The following SNX29 variants were observed in gnomAD, a reference collection of about 807,000 sequenced individuals.
SNX29 encodes the protein sorting nexin 29.
A neutral mutation model predicts 102.1 loss-of-function variants in SNX29; 78 were observed. The ratio of observed to expected loss-of-function variants is 0.76; its 90% confidence interval spans 0.64 to 0.92. The LOEUF (loss-of-function observed/expected upper bound fraction) is 0.92, where lower values mean the gene tolerates loss of function less well. SNX29 is among the 40% of genes least tolerant of loss of function. SNX29 has a pLI of 0.00. For synonymous variants in SNX29, 580 were observed against 414.5 expected, an observed-to-expected ratio of 1.40 and a Z score of -4.85; for missense variants, 1,280 against 1,061.7, an observed-to-expected ratio of 1.21 and a Z score of -2.86.
At chr16:11,991,064 C>G (rs1246931867) in intron 1 of SNX29, among the ~76,000 whole-genome samples, 1 of 152,176 alleles carries the variant, frequency 6.6e-6, no homozygotes, top group African/African-American at 2.4e-5. Context: ...TTGCTGACCC[C>G]CATTCTAGGG....
At chr16:12,308,293 C>T (rs1370918277) in intron 15 of SNX29, among the ~76,000 whole-genome samples, 2 of 152,234 alleles carry the variant, frequency 1.3e-5, no homozygotes, top group African/African-American at 2.4e-5. Context: ...CTGGGTCCCA[C>T]AGCCTCTACT....
chr16:12,555,309 C>A (rs1001052697), intron 20 of SNX29, among the ~76,000 whole-genome samples: 1 of 151,574 alleles, frequency 6.6e-6, no homozygotes, highest in East Asian at 2.0e-4. Flanking sequence ...GTCAATCCCT[C>A]TCATAGCCCC....
intron 3 of SNX29, among the ~76,000 whole-genome samples, chr16:12,022,257 G>A (rs1364591272): frequency 6.6e-6 from 1 of 150,686 alleles, no homozygotes; most frequent in Non-Finnish European, 1.5e-5. Context: ...CTGGAGTACA[G>A]TGGCACAATC....
chr16:12,118,491 T>C (rs969390401), intron 11 of SNX29, among the ~76,000 whole-genome samples: 2 of 151,706 alleles, frequency 1.3e-5, no homozygotes, highest in Non-Finnish European at 2.9e-5. Context: ...GGCTGATTTT[T>C]GTGTTTTTAG....
chr16:12,164,630 G>A (rs749604219), intron 13 of SNX29, among the ~76,000 whole-genome samples: 4 of 149,648 alleles, frequency 2.7e-5, no homozygotes, highest in Non-Finnish European at 4.4e-5. Flanking sequence ...TTAATCATGG[G>A]ATTTTCTTAC....
At chr16:12,131,334 A>G (rs1022913935) in intron 13 of SNX29, among the ~76,000 whole-genome samples, 1 of 152,242 alleles carries the variant, frequency 6.6e-6, no homozygotes, top group Admixed American at 6.5e-5. Context: ...GCTGCAAAGT[A>G]AACCACCCCA....
intron 13 of SNX29, among the ~76,000 whole-genome samples, chr16:12,144,065 C>A (rs750103528): frequency 6.6e-6 from 1 of 152,130 alleles, no homozygotes; most frequent in Non-Finnish European, 1.5e-5. Context: ...TGGAGTGGGG[C>A]CTGCTATCCT....
At chr16:12,421,777 T>TATC (rs1272436599) in intron 18 of SNX29, among the ~76,000 whole-genome samples, 2 of 151,882 alleles carry the variant, frequency 1.3e-5, no homozygotes, top group African/African-American at 4.8e-5. Context: ...CATTACCAGT[T>TATC]ATCATCATCA....
chr16:12,413,653 A>G (rs1317504668), intron 18 of SNX29, among the ~76,000 whole-genome samples: 2 of 152,200 alleles, frequency 1.3e-5, no homozygotes, highest in South Asian at 2.1e-4. Context: ...TGCAGGGGAG[A>G]CAGCTTGTTC....
chr16:12,009,955 G>T (rs2056591809), intron 3 of SNX29, among the ~76,000 whole-genome samples: 1 of 152,208 alleles, frequency 6.6e-6, no homozygotes, highest in Non-Finnish European at 1.5e-5. Context: ...TTATGAACAG[G>T]AATGCTAACG....
chr16:12,509,925 A>G (rs1420971162), intron 19 of SNX29, among the ~76,000 whole-genome samples: 1 of 152,248 alleles, frequency 6.6e-6, no homozygotes, highest in Non-Finnish European at 1.5e-5. Flanking sequence ...TAGCCTCAGC[A>G]TGTATCTGTA....
intron 20 of SNX29, among the ~76,000 whole-genome samples, chr16:12,548,468 A>T (rs1351954451): frequency 6.6e-6 from 1 of 152,208 alleles, no homozygotes; most frequent in Non-Finnish European, 1.5e-5. Context: ...TTTGGACAGC[A>T]CCGGGCTTTC....
rs538766213 is a variant in SNX29 at position 12,569,603 on chromosome 16, A to G, written c.*974A>G. ...ATTTTCCATCCCGTCTGCCCCCGAC[A>G]TTGTCCTTGATAACAGAACTCTGCA... On this transcript the variant is annotated 3_prime_UTR_variant, in exon 21 of 21. Transcript: ENST00000566228. 29 of 227,838 alleles carry G rather than the reference A, an allele frequency of 1.3e-4. No individual in the cohort carries two copies. In the East Asian group the frequency reaches 1.3e-3, roughly 10 times the overall value. The allele number at this position is 227,838 out of a possible 1,614,324, so 14.1% of individuals were successfully genotyped here.
chr16:11,992,322 A>T lies in SNX29; in HGVS notation c.8-6975A>T, dbSNP rs530083279. 3.9e-5 allele frequency among the ~76,000 whole-genome samples: 6 copies of T among 152,134 alleles called. 1 individual carries two copies. Among genetic ancestry groups the T allele is most frequent in the Admixed American group, 3.9e-4 (6 of 15,258 alleles). On this transcript the variant is annotated intron_variant, in intron 1 of 20. Transcript: ENST00000566228. Reference sequence around the variant, plus strand: ...AATTTTTTTTTTTAATTGAGGTGAAATTCACAAAACAAAGAATTAACTGTT... The same window carrying T: ...AATTTTTTTTTTTAATTGAGGTGAATTTCACAAAACAAAGAATTAACTGTT...
chr16:12,553,126 G>C (rs1420104415), intron 20 of SNX29, among the ~76,000 whole-genome samples: 1 of 152,186 alleles, frequency 6.6e-6, no homozygotes, highest in Admixed American at 6.5e-5. Flanking sequence ...GGAGGGCCTT[G>C]GGCTTCTGGC....
intron 13 of SNX29, among the ~76,000 whole-genome samples, chr16:12,181,466 A>G (rs2076383390): frequency 6.6e-6 from 1 of 152,208 alleles, no homozygotes; most frequent in African/African-American, 2.4e-5. Flanking sequence ...AGCCTCTCCA[A>G]AGGAGGCAAC....
intron 15 of SNX29, among the ~76,000 whole-genome samples, chr16:12,281,753 T>A (rs879331892): frequency 1.3e-5 from 2 of 152,046 alleles, no homozygotes; most frequent in Non-Finnish European, 2.9e-5. Flanking sequence ...TTAGTAACTT[T>A]CCCAAGAGTC....
At position 12,055,903 on chromosome 16, in the gene SNX29, AAC is replaced by A. The variant is rs371677580; in HGVS notation, c.1124+3683_1124+3684del. On this transcript the variant is annotated intron_variant, in intron 8 of 20. Coordinates refer to ENST00000566228, the MANE Select transcript of SNX29 (RefSeq NM_032167.5). ...AGTGCCTTTATTCTTTTTTTTCTGG[AAC>A]AGAGTCTTACTCCATGGCCCCGGCT... Among the ~76,000 whole-genome samples the A allele has an allele frequency of 5.1e-3, 772 of 152,142 alleles. 11 individuals carry two copies. The highest frequency in any genetic ancestry group is 0.017 in the African/African-American group (710 of 41,514).
chr16:11,993,340 CA>C (rs1349653625), intron 1 of SNX29, among the ~76,000 whole-genome samples: 2 of 151,984 alleles, frequency 1.3e-5, no homozygotes, highest in Admixed American at 6.6e-5. Flanking sequence ...CCCCACGTGC[CA>C]GGGGTCCTCT....
Sources: allele counts gnomAD v4.1 joint callset (sites outside exome capture counted in the v4.1 genomes callset), GRCh38; gene constraint gnomAD v4.1.1; transcripts MANE v1.5; gene names NCBI Gene and HGNC (gene_info 2026-07-23, HGNC 2026-07-21).